Variants in PRKG1 observed in about 807,000 individuals in gnomAD.
The protein encoded by PRKG1 is protein kinase cGMP-dependent 1.
PRKG1 carries 35 observed loss-of-function variants against 88.1 expected under a neutral mutation model. The observed-to-expected ratio is 0.40, with a 90% CI of 0.30 to 0.53. The LOEUF (loss-of-function observed/expected upper bound fraction) is 0.53, where lower values mean the gene tolerates loss of function less well. PRKG1 is among the 20% of genes least tolerant of loss of function. The pLI, the probability that PRKG1 is intolerant of heterozygous loss-of-function variation, is 0.59. For missense variants in PRKG1, 540 were observed against 839.8 expected (o/e 0.64, Z 4.41); for synonymous variants, 303 against 292.5 (o/e 1.04, Z -0.37).
chr10:51,963,481 A>G (rs1388472051), intron 5 of PRKG1, among the ~76,000 whole-genome samples: 1 of 151,976 alleles, frequency 6.6e-6, no homozygotes, highest in Non-Finnish European at 1.5e-5. Context: ...ATTTTTTAAG[A>G]GAGAGTCTTG....
intron 2 of PRKG1, among the ~76,000 whole-genome samples, chr10:51,175,526 T>C (rs74131795): frequency 0.035 from 5,291 of 152,172 alleles, 303 homozygotes; most frequent in African/African-American, 0.12. Context: ...CCAATATGAT[T>C]ATTTCCACCC....
chr10:51,024,507 G>C (rs1312583959), intron 1 of PRKG1, among the ~76,000 whole-genome samples: 1 of 152,030 alleles, frequency 6.6e-6, no homozygotes, highest in Non-Finnish European at 1.5e-5. Flanking sequence ...ATACTTTTTA[G>C]ATGAAGAAAT....
At chr10:51,660,061 G>A (rs1184068642) in intron 3 of PRKG1, among the ~76,000 whole-genome samples, 1 of 150,324 alleles carries the variant, frequency 6.7e-6, no homozygotes, top group Non-Finnish European at 1.5e-5. Flanking sequence ...ATGAAGAATA[G>A]AGTGTCTGAA....
intron 1 of PRKG1, among the ~76,000 whole-genome samples, chr10:51,067,723 C>G (rs1843770917): frequency 6.6e-6 from 1 of 151,970 alleles, no homozygotes; most frequent in South Asian, 2.1e-4. Context: ...TAGACAGACA[C>G]TATTTTGTGC....
intron 5 of PRKG1, among the ~76,000 whole-genome samples, chr10:51,994,413 T>C (rs1391494808): frequency 2.0e-5 from 3 of 152,156 alleles, no homozygotes; most frequent in Non-Finnish European, 1.5e-5. Flanking sequence ...AAATGTAATA[T>C]GTATCCCTGA....
intron 2 of PRKG1, among the ~76,000 whole-genome samples, chr10:51,454,190 A>G (rs751310101): frequency 1.3e-5 from 2 of 152,086 alleles, no homozygotes; most frequent in African/African-American, 4.8e-5. Flanking sequence ...TAAGGATTCA[A>G]TGCAATTCCC....
In PRKG1 at chr10:50,991,968, G is replaced by C. The variant is rs1589093730; in HGVS notation, c.266+324G>C. Reference sequence around the variant, plus strand: ...GCCCTCCACACATGGCTGCAGTCGCGCGGCTGTCCTTCGTGCGCCCCGCTG... The same window carrying C: ...GCCCTCCACACATGGCTGCAGTCGCCCGGCTGTCCTTCGTGCGCCCCGCTG... On this transcript the variant is annotated intron_variant, in intron 1 of 17. Coordinates refer to the PRKG1 transcript ENST00000401604. The surrounding 1 kb of genome is among the most constrained non-coding windows in gnomAD (Gnocchi z 4.5). 1.3e-5 allele frequency among the ~76,000 whole-genome samples: 2 copies of C among 152,128 alleles called. No homozygotes were observed. The highest frequency in any genetic ancestry group is 4.8e-5 in the African/African-American group (2 of 41,526).
At chr10:51,598,333 T>C (rs902263298) in intron 3 of PRKG1, among the ~76,000 whole-genome samples, 1 of 152,178 alleles carries the variant, frequency 6.6e-6, no homozygotes, top group Admixed American at 6.5e-5. Flanking sequence ...CAGTGCAATG[T>C]TATGATATCA....
chr10:51,519,094 T>C (rs1841668779), intron 3 of PRKG1, among the ~76,000 whole-genome samples: 1 of 152,156 alleles, frequency 6.6e-6, no homozygotes, highest in Non-Finnish European at 1.5e-5. Flanking sequence ...ATGGAAGAAG[T>C]TTGAATCATT....
At chr10:51,074,261 C>G (rs1052783045), upstream of PRKG1, 29 of 273,492 alleles carry the variant, frequency 1.1e-4, no homozygotes, top group Admixed American at 3.5e-4. Flanking sequence ...CCCCTCCTCC[C>G]GCTCCCCCGC....
chr10:52,166,761 A>T (rs1838452736), intron 9 of PRKG1, among the ~76,000 whole-genome samples: 1 of 145,950 alleles, frequency 6.9e-6, no homozygotes. Flanking sequence ...TACAGGCAAA[A>T]CAGCTATTTC....
chr10:51,911,995 A>G (rs571208451), intron 5 of PRKG1, among the ~76,000 whole-genome samples: 2 of 152,328 alleles, frequency 1.3e-5, no homozygotes, highest in East Asian at 1.9e-4. Flanking sequence ...CTCTCATAGC[A>G]TGTGTTTCAG....
intron 10 of PRKG1, among the ~76,000 whole-genome samples, chr10:52,263,022 C>G (rs1385911369): frequency 6.6e-6 from 1 of 152,062 alleles, no homozygotes; most frequent in Non-Finnish European, 1.5e-5. Context: ...AGAAAGCTGA[C>G]TGTACCTATT....
intron 2 of PRKG1, among the ~76,000 whole-genome samples, chr10:51,216,898 C>T (rs1248930058): frequency 6.6e-6 from 1 of 152,158 alleles, no homozygotes; most frequent in Non-Finnish European, 1.5e-5. Context: ...ACCTTGTTCC[C>T]CCAAATGCTT....
At chr10:52,119,986 TGAGACAGAGAGAGA>T (rs776276823) in intron 7 of PRKG1, among the ~76,000 whole-genome samples, 119 of 138,524 alleles carry the variant, frequency 8.6e-4, no homozygotes, top group Middle Eastern at 3.8e-3. Flanking sequence ...AGAGGGAAAG[TGAGACAGAGAGAGA>T]GAGACAGAGA....
intron 2 of PRKG1, among the ~76,000 whole-genome samples, chr10:51,288,739 C>G (rs12252501): frequency 5.3e-5 from 8 of 152,038 alleles, no homozygotes; most frequent in African/African-American, 1.9e-4. Context: ...ATGAATAATA[C>G]TACTTAGCAG....
At chr10:51,259,970 A>G (rs1324633585) in intron 2 of PRKG1, among the ~76,000 whole-genome samples, 2 of 152,222 alleles carry the variant, frequency 1.3e-5, no homozygotes, top group Non-Finnish European at 2.9e-5. Context: ...TGTGAAATCT[A>G]AAATATAGTA....
intron 1 of PRKG1, among the ~76,000 whole-genome samples, chr10:51,137,179 C>T (rs897922727): frequency 6.6e-4 from 101 of 152,146 alleles, no homozygotes; most frequent in African/African-American, 2.3e-3. Flanking sequence ...GTACCGCACC[C>T]GGCCTAATTA....
intron 3 of PRKG1, among the ~76,000 whole-genome samples, chr10:51,628,042 CCTT>C (rs201755468): frequency 0.035 from 4,849 of 136,742 alleles, 163 homozygotes; most frequent in Middle Eastern, 0.073. Flanking sequence ...TTCTTTCCTT[CCTT>C]CTTTCCTTTC....
Sources: allele counts gnomAD v4.1 joint callset (sites outside exome capture counted in the v4.1 genomes callset), GRCh38; gene constraint gnomAD v4.1.1; non-coding constraint Gnocchi (gnomAD v3.1); transcripts MANE v1.5; gene names NCBI Gene and HGNC (gene_info 2026-07-23, HGNC 2026-07-21).